PDCD6IP: variants seen among roughly 807,000 people sequenced by gnomAD.
PDCD6IP encodes the protein programmed cell death 6-interacting protein.
In PDCD6IP, 43 loss-of-function variants were observed where a neutral mutation model predicts 103.7. The ratio of observed to expected loss-of-function variants is 0.41; its 90% CI spans 0.32 to 0.53. The LOEUF is 0.53. Among genes scored for constraint, PDCD6IP ranks in the 20% least tolerant of loss-of-function variants. PDCD6IP has a pLI of 0.16. For synonymous variants in PDCD6IP, 354 were observed against 378.7 expected (o/e 0.93, Z 0.76); for missense variants, 871 against 1,036.7 (o/e 0.84, Z 2.20).
chr3:33,834,615 A>G (rs527774636), intron 7 of PDCD6IP, among the ~76,000 whole-genome samples: 14 of 152,368 alleles, frequency 9.2e-5, no homozygotes, highest in South Asian at 8.3e-4. Context: ...AAAATCAAGA[A>G]TATTGAATTT....
rs1279640651 is a variant in PDCD6IP, at chr3:33,852,746, A to T, written c.1890+10A>T. The stretch of plus-strand genomic sequence containing the variant: ...TCTTAAAAATATTCAGGTGAAATTT[A>T]TATATTTAATAAGATCTGTGTTTTA... On this transcript the variant is annotated intron_variant, in intron 13 of 17. Transcript: ENST00000307296. The T allele has an allele frequency of 1.9e-6, 3 of 1,578,078 alleles. No homozygotes were observed. The highest frequency in any genetic ancestry group is 2.7e-5 in the African/African-American group (2 of 72,744).
intron 12 of PDCD6IP, among the ~76,000 whole-genome samples, chr3:33,851,228 T>A (rs763362197): frequency 6.6e-6 from 1 of 151,870 alleles, no homozygotes; most frequent in Non-Finnish European, 1.5e-5. Context: ...CGTGATGTCC[T>A]CTTCTTCCTT....
At chr3:33,843,666 C>G (rs778764094) in intron 10 of PDCD6IP, among the ~76,000 whole-genome samples, 18 of 152,118 alleles carry the variant, frequency 1.2e-4, no homozygotes, top group Non-Finnish European at 2.5e-4. Context: ...CCCTACTATC[C>G]TGTCATCTTA....
chr3:33,850,859 C>T (rs1559793960), intron 12 of PDCD6IP, among the ~76,000 whole-genome samples: 2 of 152,060 alleles, frequency 1.3e-5, no homozygotes, highest in Non-Finnish European at 2.9e-5. Flanking sequence ...CTTTCCACAG[C>T]CTTCTCCCCT....
intron 4 of PDCD6IP, among the ~76,000 whole-genome samples, chr3:33,823,882 A>G (rs542758082): frequency 2.6e-5 from 4 of 152,292 alleles, no homozygotes; most frequent in African/African-American, 9.6e-5. Flanking sequence ...GATTTTAGAA[A>G]GGTCATTCTG....
intron 6 of PDCD6IP, chr3:33,827,627 AT>A (rs1697157705): frequency 6.6e-6 from 1 of 152,064 alleles, no homozygotes; most frequent in South Asian, 2.1e-4. Context: ...GAAAGACCTC[AT>A]GTTCAGCTGC....
At chr3:33,824,558 C>T (rs1575915941) in intron 4 of PDCD6IP, among the ~76,000 whole-genome samples, 1 of 151,658 alleles carries the variant, frequency 6.6e-6, no homozygotes, top group African/African-American at 2.4e-5. Context: ...CGCACCCGGC[C>T]AACTCATGAC....
chr3:33,831,865 T>C (rs1198401880), intron 7 of PDCD6IP, among the ~76,000 whole-genome samples: 3 of 152,174 alleles, frequency 2.0e-5, no homozygotes, highest in Non-Finnish European at 4.4e-5. Context: ...TTTTCTCATA[T>C]AACAATGTAT....
intron 1 of PDCD6IP, among the ~76,000 whole-genome samples, chr3:33,807,488 C>T (rs886861143): frequency 1.3e-5 from 2 of 152,142 alleles, no homozygotes; most frequent in African/African-American, 4.8e-5. Context: ...TTGGCGTTGG[C>T]TTGGCACTAA....
Position 33,826,501 on chromosome 3 carries a change from T to G in PDCD6IP, c.638T>G (p.Ile213Arg). Residue 213 changes from isoleucine to arginine, a missense_variant, in exon 6 of 18, where the codon ATA becomes AGA. Ile to Arg is a moderately conservative substitution (Grantham distance 97). Transcript: ENST00000307296. The stretch of plus-strand genomic sequence containing the variant: ...CCAGATAAAATGAAAGATGCCATCA[T>G]AGCTAAATTGGCTAATCAGGCTGCA... ...ATRDKMKDAI[I>R]AKLANQAADY... 1 of 1,609,590 alleles carries G rather than the reference T, an allele frequency of 6.2e-7. No homozygotes were observed. Among genetic ancestry groups the G allele is most frequent in the Non-Finnish European group, 8.5e-7 (1 of 1,177,498 alleles).
chr3:33,850,138 C>G (rs1376474122), intron 12 of PDCD6IP, among the ~76,000 whole-genome samples: 2 of 152,080 alleles, frequency 1.3e-5, no homozygotes, highest in African/African-American at 4.8e-5. Context: ...GCACAACAGT[C>G]CTGAAATAGG....
At position 33,828,086 on chromosome 3, in the gene PDCD6IP, G is replaced by A. The variant is rs992839824; in HGVS notation, c.718-767G>A. 4 of 152,120 alleles carry A rather than the reference G, an allele frequency of 2.6e-5. No homozygotes were observed. In the South Asian group the frequency reaches 8.3e-4, roughly 32 times the overall value. 9.4% of individuals were successfully genotyped at this position (152,120 alleles called of 1,614,324 possible). Reference sequence around the variant, plus strand: ...GTGAGGTTACAGGTTAGATTTTGACGTTTTGGAAGAGCCACCACTAGTATA... The same window carrying A: ...GTGAGGTTACAGGTTAGATTTTGACATTTTGGAAGAGCCACCACTAGTATA... On this transcript the variant is annotated intron_variant, in intron 6 of 17. Transcript: ENST00000307296.
At position 33,864,096 on chromosome 3, in the gene PDCD6IP, A is replaced by C. The variant is rs1698014607; in HGVS notation, c.2211A>C (p.Pro737=). 1 of 1,611,044 alleles carries C rather than the reference A, an allele frequency of 6.2e-7. No individual in the cohort carries two copies. Among genetic ancestry groups the C allele is most frequent in the Non-Finnish European group, 8.5e-7 (1 of 1,177,238 alleles). ...YQSSPAGGHA[P]TPPTPAPRTM... The stretch of plus-strand genomic sequence containing the variant: ...CCTCACCAGCAGGAGGACATGCACC[A>C]ACTCCTCCAACTCCAGCGCCAAGAA... Residue 737 remains proline (P), a synonymous_variant, in exon 16 of 18, where the codon CCA becomes CCC. Transcript: ENST00000307296.
Position 33,866,538 on chromosome 3 carries a change from G to C in PDCD6IP, c.*13G>C. The C allele has an allele frequency of 6.3e-7, 1 of 1,583,302 alleles. No individual in the cohort carries two copies. The highest frequency in any genetic ancestry group is 8.6e-7 in the Non-Finnish European group (1 of 1,168,098). On this transcript the variant is annotated 3_prime_UTR_variant, in exon 18 of 18. Transcript: ENST00000307296. ...TCCACAGCAGTAATATGTCTGCTCA[G>C]CAGCTCAGCTGATTCAGATCAGAGG...
At chr3:33,835,904 T>C in intron 7 of PDCD6IP, 140 bp from the exon 8 acceptor site, 1 of 601,898 alleles carries the variant, frequency 1.7e-6, no homozygotes, top group South Asian at 2.1e-5. Context: ...CAGGTAACCC[T>C]GTCAGCCACA....
At chr3:33,800,945 T>C (rs1696463597) in intron 1 of PDCD6IP, among the ~76,000 whole-genome samples, 1 of 152,212 alleles carries the variant, frequency 6.6e-6, no homozygotes, top group Non-Finnish European at 1.5e-5. Flanking sequence ...CCTTCCTTTA[T>C]TCTTTTTACC....
rs1206595225 is a variant in PDCD6IP at position 33,826,584 on chromosome 3, A to G, written c.717+4A>G. 1.9e-6 allele frequency: 3 copies of G among 1,611,354 alleles called. No individual in the cohort carries two copies. The highest frequency in any genetic ancestry group is 1.7e-4 in the Middle Eastern group (1 of 6,050). ...ATACAAAGATACTCTCCCCAAGGTCAGTTATTGTTTTTATAAACACTTGCT... is the reference window on the plus strand; with the variant it reads ...ATACAAAGATACTCTCCCCAAGGTCGGTTATTGTTTTTATAAACACTTGCT... On this transcript the variant is annotated splice_donor_region_variant and intron_variant, in intron 6 of 17. Transcript: ENST00000307296.
chr3:33,846,846 C>T (rs1023417889), intron 12 of PDCD6IP, among the ~76,000 whole-genome samples: 1 of 152,172 alleles, frequency 6.6e-6, no homozygotes, highest in African/African-American at 2.4e-5. Context: ...CAGTGCTGAG[C>T]ACCTTGGTCC....
Position 33,864,117 on chromosome 3 carries a change from A to G in PDCD6IP, c.2232A>G (p.Pro744=), listed in dbSNP as rs747231262. 31 of 1,586,682 alleles carry G rather than the reference A, an allele frequency of 2.0e-5. No homozygotes were observed. The South Asian group carries it at 3.2e-4, about 16-fold the overall frequency. The change falls in exon 16 of 18, where the codon CCA becomes CCG. Residue 744 remains proline, a synonymous_variant. Coordinates refer to ENST00000307296, the MANE Select transcript of PDCD6IP (RefSeq NM_013374.6). ...GHAPTPPTPA[P]RTMPPTKPQP... ...CACCAACTCCTCCAACTCCAGCGCC[A>G]AGAACCATGCCGGTTAGTAGGCAAA...
Sources: gnomAD v4.1 joint callset for allele counts (sites outside exome capture counted in the v4.1 genomes callset) on GRCh38, gnomAD v4.1.1 for gene constraint, MANE v1.5 for transcripts, NCBI Gene and HGNC (gene_info 2026-07-23, HGNC 2026-07-21) for gene names.